SNX29: variants seen among roughly 807,000 people sequenced by gnomAD.
SNX29 encodes sorting nexin-29.
SNX29 carries 78 observed loss-of-function variants against 102.1 expected under a neutral mutation model. That is an observed-to-expected ratio of 0.76 (90% CI 0.64 to 0.92). The LOEUF (loss-of-function observed/expected upper bound fraction) is 0.92, where lower values mean the gene tolerates loss of function less well. SNX29 is among the 40% of genes least tolerant of loss of function. The probability of loss-of-function intolerance (pLI) is 0.00; values close to 1 mark genes in which losing one functional copy is unlikely to be tolerated. For missense variants in SNX29, 1,280 were observed against 1,061.7 expected, an observed-to-expected ratio of 1.21 and a Z score of -2.86; for synonymous variants, 580 against 414.5, an observed-to-expected ratio of 1.40 and a Z score of -4.85.
Position 12,574,181 on chromosome 16 carries a change from A to G in SNX29, c.*5552A>G, listed in dbSNP as rs946671565. 5.6e-6 allele frequency: 1 copy of G among 179,358 alleles called. No individual in the cohort carries two copies. Among genetic ancestry groups the G allele is most frequent in the Non-Finnish European group, 1.2e-5 (1 of 83,790 alleles). 11.1% of individuals were successfully genotyped at this position (179,358 alleles called of 1,614,324 possible). A position where few individuals can be genotyped will look rare whatever the true frequency, so the allele number is the denominator to read the frequency against. Reference sequence around the variant, plus strand: ...TAATTTTTTAAGATCTCTTGTATTAAAATTTTCTTTTGGAATAAGCTGTGG... The same window carrying G: ...TAATTTTTTAAGATCTCTTGTATTAGAATTTTCTTTTGGAATAAGCTGTGG... On this transcript the variant is annotated 3_prime_UTR_variant, in exon 21 of 21. Transcript: ENST00000566228.
chr16:12,292,758 T>C (rs148504846), intron 15 of SNX29, among the ~76,000 whole-genome samples: 225 of 152,338 alleles, frequency 1.5e-3, no homozygotes, highest in African/African-American at 5.3e-3. Context: ...TAGTGTGATA[T>C]TCTTGTTTGT....
intron 11 of SNX29, among the ~76,000 whole-genome samples, chr16:12,124,565 CTTATGTAG>C (rs1422998837): frequency 6.6e-6 from 1 of 152,106 alleles, no homozygotes; most frequent in East Asian, 1.9e-4. Context: ...TGTTCAGATA[CTTATGTAG>C]TTTTTATTGC....
intron 13 of SNX29, among the ~76,000 whole-genome samples, chr16:12,151,493 T>C (rs2141589765): frequency 6.6e-6 from 1 of 152,328 alleles, no homozygotes; most frequent in Admixed American, 6.5e-5. Flanking sequence ...CACCCTTCTT[T>C]CCCTGGCCTG....
chr16:12,358,311 ATGTTGGAGGCACT>A (rs2082201351), intron 16 of SNX29, among the ~76,000 whole-genome samples: 1 of 152,104 alleles, frequency 6.6e-6, no homozygotes, highest in South Asian at 2.1e-4. Flanking sequence ...CCTTGTTGTA[ATGTTGGAGGCACT>A]TTAGGCCTCA....
chr16:12,538,692 G>A (rs1290788230), intron 20 of SNX29, among the ~76,000 whole-genome samples: 2 of 152,192 alleles, frequency 1.3e-5, no homozygotes, highest in Non-Finnish European at 2.9e-5. Flanking sequence ...CCCAGGACCA[G>A]TGGGCGAGCC....
In SNX29 at chr16:12,573,425, C is replaced by T. The variant is rs1290230626; in HGVS notation, c.*4796C>T. Reference sequence around the variant, plus strand: ...ATAGAGAAGTGAAAAAGAAATCTGGCTTCCTTAATAAGATAGTTGAGCCTA... The same window carrying T: ...ATAGAGAAGTGAAAAAGAAATCTGGTTTCCTTAATAAGATAGTTGAGCCTA... On this transcript the variant is annotated 3_prime_UTR_variant, in exon 21 of 21. Coordinates refer to ENST00000566228, the MANE Select transcript of SNX29 (RefSeq NM_032167.5). 1.3e-5 allele frequency: 3 copies of T among 223,604 alleles called. No individual in the cohort carries two copies. Among genetic ancestry groups the T allele is most frequent in the East Asian group, 6.5e-5 (1 of 15,340 alleles). 13.9% of individuals were successfully genotyped at this position (223,604 alleles called of 1,614,324 possible).
chr16:12,092,956 C>G (rs1000359174), intron 11 of SNX29, among the ~76,000 whole-genome samples: 2 of 152,130 alleles, frequency 1.3e-5, no homozygotes, highest in African/African-American at 4.8e-5. Context: ...ATACCCGAGG[C>G]CAGGTGTTGG....
chr16:12,080,424 G>C (rs1166318447), intron 11 of SNX29, among the ~76,000 whole-genome samples: 1 of 152,206 alleles, frequency 6.6e-6, no homozygotes, highest in Non-Finnish European at 1.5e-5. Context: ...GGTGTTAATA[G>C]ATCACTCAGT....
Position 12,548,429 on chromosome 16 carries a change from C to T in SNX29, c.2319-20077C>T, listed in dbSNP as rs533780586. Among the ~76,000 whole-genome samples, 5 of 152,336 alleles carry T rather than the reference C, an allele frequency of 3.3e-5. No homozygotes were observed. In the East Asian group the frequency reaches 7.7e-4, roughly 23 times the overall value. On this transcript the variant is annotated intron_variant, in intron 20 of 20. Transcript: ENST00000566228. ...ACCTACCTCTGGCTCCCCACTGTGCCACATCCCTGTACCATGGCATCTGTG... is the reference window on the plus strand; with the variant it reads ...ACCTACCTCTGGCTCCCCACTGTGCTACATCCCTGTACCATGGCATCTGTG...
At chr16:12,120,822 C>T (rs893993934) in intron 11 of SNX29, among the ~76,000 whole-genome samples, 3 of 152,064 alleles carry the variant, frequency 2.0e-5, no homozygotes, top group Admixed American at 6.6e-5. Flanking sequence ...TGTATGGGAC[C>T]GTGTCCCCTC....
chr16:12,381,933 G>A (rs114801943), intron 16 of SNX29, among the ~76,000 whole-genome samples: 4,404 of 149,834 alleles, frequency 0.029, 162 homozygotes, highest in African/African-American at 0.087. Flanking sequence ...CCACACATCC[G>A]GCATTTCTAA....
Position 12,553,613 on chromosome 16 carries a change from G to A in SNX29, c.2319-14893G>A, listed in dbSNP as rs1044042875. ...TCCCCACCCCCCACCCCTGCAAGAT[G>A]GAATTTTGTGCTTGTTGCCCAGGCT... is the stretch of plus-strand genomic sequence containing the variant. On this transcript the variant is annotated intron_variant, in intron 20 of 20. Transcript: ENST00000566228. Among the ~76,000 whole-genome samples the A allele has an allele frequency of 8.0e-5, 11 of 137,262 alleles. 1 individual carries two copies. Among genetic ancestry groups the A allele is most frequent in the Non-Finnish European group, 1.4e-4 (9 of 65,704 alleles). 90.0% of individuals were successfully genotyped at this position (137,262 alleles called of 152,430 possible). A position where few individuals can be genotyped will look rare whatever the true frequency, so the allele number is the denominator to read the frequency against.
intron 16 of SNX29, among the ~76,000 whole-genome samples, chr16:12,366,089 G>C (rs1278279717): frequency 1.3e-5 from 2 of 150,620 alleles, no homozygotes; most frequent in Non-Finnish European, 1.5e-5. Flanking sequence ...ATGATTGAGT[G>C]GGGGGTTTGC....
At chr16:12,547,203 C>T (rs180825614) in intron 20 of SNX29, among the ~76,000 whole-genome samples, 16 of 152,282 alleles carry the variant, frequency 1.1e-4, no homozygotes, top group East Asian at 1.9e-4. Context: ...TAGTTTGACC[C>T]GAAGTGGAGA....
intron 14 of SNX29, among the ~76,000 whole-genome samples, chr16:12,218,518 A>G (rs1004727283): frequency 4.6e-5 from 7 of 152,230 alleles, no homozygotes; most frequent in African/African-American, 1.7e-4. Context: ...TAGTTCTTGC[A>G]GAGACCTGTG....
chr16:12,425,027 C>A (rs555371857), intron 18 of SNX29, among the ~76,000 whole-genome samples: 10 of 152,352 alleles, frequency 6.6e-5, no homozygotes, highest in African/African-American at 2.4e-4. Context: ...TAACTACAGG[C>A]AACAGTATGG....
In SNX29 at chr16:12,298,675, T is replaced by C. The variant is rs575365850; in HGVS notation, c.1782+20639T>C. 2.6e-5 allele frequency among the ~76,000 whole-genome samples: 4 copies of C among 152,312 alleles called. No individual in the cohort carries two copies. In the South Asian group the frequency reaches 8.3e-4, roughly 32 times the overall value. ...CAGAAAATACTCTCTTACTTTCCTC[T>C]CTAGAATAGGCCAGGCATCCTCTGC... On this transcript the variant is annotated intron_variant, in intron 15 of 20. Transcript: ENST00000566228.
intron 14 of SNX29, among the ~76,000 whole-genome samples, chr16:12,243,258 G>A (rs545018273): frequency 1.4e-4 from 21 of 152,320 alleles, no homozygotes; most frequent in Middle Eastern, 6.8e-3. Context: ...GCCAGATACT[G>A]GGTTAGGCTT....
intron 14 of SNX29, among the ~76,000 whole-genome samples, chr16:12,205,771 T>A (rs1255076591): frequency 6.6e-6 from 1 of 152,246 alleles, no homozygotes; most frequent in Non-Finnish European, 1.5e-5. Flanking sequence ...TTGATTTTCT[T>A]GCTTGTTTCT....
Sources: gnomAD v4.1 joint callset for allele counts (sites outside exome capture counted in the v4.1 genomes callset) on GRCh38, gnomAD v4.1.1 for gene constraint, MANE v1.5 for transcripts, NCBI Gene and HGNC (gene_info 2026-07-23, HGNC 2026-07-21) for gene names.